Variants in FHIP1A observed in about 807,000 individuals in gnomAD.
FHIP1A encodes the protein FHF complex subunit HOOK-interacting protein 1A.
FHIP1A carries 61 observed loss-of-function variants against 88.6 expected under a neutral mutation model. The ratio of observed to expected loss-of-function variants is 0.69; its 90% CI spans 0.56 to 0.85. FHIP1A has a LOEUF of 0.85. Ranked by LOEUF, FHIP1A falls within the 40% of genes least tolerant of loss-of-function variation. FHIP1A has a pLI of 0.00. For missense variants in FHIP1A, 1,154 were observed against 1,273.5 expected (o/e 0.91, Z 1.43); for synonymous variants, 478 against 496.0 (o/e 0.96, Z 0.48).
At chr4:151,412,059 A>G (rs1329097786) in intron 1 of FHIP1A, among the ~76,000 whole-genome samples, 1 of 152,222 alleles carries the variant, frequency 6.6e-6, no homozygotes, top group Non-Finnish European at 1.5e-5. Flanking sequence ...AGTAGATGCC[A>G]TTGTGTTTAG....
chr4:151,424,473 A>AGAATGAGAATATGGTTTGT (rs1441804241), intron 1 of FHIP1A, among the ~76,000 whole-genome samples: 1 of 152,160 alleles, frequency 6.6e-6, no homozygotes, highest in Non-Finnish European at 1.5e-5. Flanking sequence ...CATGGAATCT[A>AGAATGAGAATATGGTTTGT]GAATGAGAAT....
intron 3 of FHIP1A, among the ~76,000 whole-genome samples, chr4:151,557,641 G>C (rs970858961): frequency 1.3e-5 from 2 of 152,234 alleles, no homozygotes; most frequent in African/African-American, 4.8e-5. Flanking sequence ...CCTCCCCATA[G>C]AGACAGCTTC....
chr4:151,638,793 CACTTTAT>C lies in FHIP1A; in HGVS notation c.1226+46_1226+52del, dbSNP rs548135019. Reference sequence around the variant, plus strand: ...TTTTTGTTTCCTTTAAAGAAAAATTCACTTTATACTTTATATTACTTTATATTCATAT... The same window carrying C: ...TTTTTGTTTCCTTTAAAGAAAAATTCACTTTATATTACTTTATATTCATAT... On this transcript the variant is annotated intron_variant, in intron 9 of 13. Transcript: ENST00000435205. The C allele has an allele frequency of 3.9e-4, 462 of 1,185,920 alleles. 3 individuals are homozygous for C. The highest frequency in any genetic ancestry group is 2.1e-3 in the Middle Eastern group (11 of 5,192). 73.5% of individuals were successfully genotyped at this position (1,185,920 alleles called of 1,614,324 possible).
rs780404381 is a variant in FHIP1A at position 151,656,393 on chromosome 4, G to A, written c.2713G>A (p.Val905Ile). 177 of 1,551,538 alleles carry A rather than the reference G, an allele frequency of 1.1e-4. No individual in the cohort carries two copies. In the South Asian group the frequency reaches 1.9e-3, roughly 16 times the overall value. ...LNTNMVFQPS[V>I]RSLYQVLASV... Reference sequence around the variant, plus strand: ...CACCAACATGGTCTTCCAGCCAAGCGTCCGCTCTCTCTATCAGGTATGTTA... The same window carrying A: ...CACCAACATGGTCTTCCAGCCAAGCATCCGCTCTCTCTATCAGGTATGTTA... Residue 905 changes from valine (V) to isoleucine (I), a missense_variant, in exon 12 of 14, where the codon GTC becomes ATC. Val to Ile is a conservative substitution (Grantham distance 29). Coordinates refer to ENST00000435205, the MANE Select transcript of FHIP1A (RefSeq NM_001109977.3). The surrounding 1 kb of genome is among the most constrained non-coding windows in gnomAD (Gnocchi z 4.2).
intron 13 of FHIP1A, among the ~76,000 whole-genome samples, chr4:151,659,671 C>T (rs1737378612): frequency 6.6e-6 from 1 of 152,178 alleles, no homozygotes; most frequent in Non-Finnish European, 1.5e-5. Context: ...CCTTTTTCTT[C>T]AGGTGCTCGT....
At chr4:151,509,353 G>C (rs1312871298) in intron 3 of FHIP1A, among the ~76,000 whole-genome samples, 1 of 151,980 alleles carries the variant, frequency 6.6e-6, no homozygotes, top group Non-Finnish European at 1.5e-5. Context: ...TTTTAGTAGA[G>C]ACGGAGTTTC....
At chr4:151,435,435 C>G (rs1224352711) in intron 1 of FHIP1A, among the ~76,000 whole-genome samples, 2 of 152,116 alleles carry the variant, frequency 1.3e-5, no homozygotes, top group African/African-American at 2.4e-5. Flanking sequence ...TCTGTGATGA[C>G]TGGATTTGCC....
intron 3 of FHIP1A, among the ~76,000 whole-genome samples, chr4:151,523,491 T>C (rs139629250): frequency 6.6e-6 from 1 of 152,268 alleles, no homozygotes; most frequent in African/African-American, 2.4e-5. Context: ...GACAACATAC[T>C]CTCTTTTGTT....
intron 1 of FHIP1A, among the ~76,000 whole-genome samples, chr4:151,449,756 A>G (rs773173623): frequency 2.7e-4 from 41 of 152,216 alleles, no homozygotes; most frequent in Non-Finnish European, 5.3e-4. Flanking sequence ...GCTTCTAATC[A>G]TTCTTAACTC....
chr4:151,502,760 T>C (rs568812202), intron 3 of FHIP1A, among the ~76,000 whole-genome samples: 1 of 152,300 alleles, frequency 6.6e-6, no homozygotes, highest in Non-Finnish European at 1.5e-5. Flanking sequence ...TTGAACAATA[T>C]ACAATTTTGT....
chr4:151,510,785 C>T (rs1402311921), intron 3 of FHIP1A, among the ~76,000 whole-genome samples: 1 of 152,200 alleles, frequency 6.6e-6, no homozygotes, highest in Non-Finnish European at 1.5e-5. Flanking sequence ...GATCAAATTT[C>T]AGCTACAGTA....
intron 1 of FHIP1A, among the ~76,000 whole-genome samples, chr4:151,412,173 G>A (rs756676975): frequency 1.7e-4 from 26 of 151,572 alleles, no homozygotes; most frequent in Non-Finnish European, 3.2e-4. Context: ...GTGTGATCTC[G>A]GCTCACTGCA....
chr4:151,428,545 A>G (rs553351770), intron 1 of FHIP1A, among the ~76,000 whole-genome samples: 2 of 152,164 alleles, frequency 1.3e-5, no homozygotes, highest in South Asian at 2.1e-4. Context: ...CCTTAGTAAT[A>G]TTTAAACAAT....
At chr4:151,532,305 T>G (rs1350390003) in intron 3 of FHIP1A, among the ~76,000 whole-genome samples, 1 of 152,210 alleles carries the variant, frequency 6.6e-6, no homozygotes, top group Non-Finnish European at 1.5e-5. Flanking sequence ...GCCAGATCCT[T>G]TGTACATTAA....
chr4:151,632,143 G>A (rs1481889249), intron 8 of FHIP1A, among the ~76,000 whole-genome samples: 2 of 151,776 alleles, frequency 1.3e-5, no homozygotes, highest in Non-Finnish European at 2.9e-5. Context: ...AAGCAGAGGT[G>A]GTTGTACTTA....
chr4:151,629,592 A>G (rs2126876867), intron 7 of FHIP1A, 110 bp from the exon 8 acceptor site: 1 of 890,700 alleles, frequency 1.1e-6, no homozygotes, highest in South Asian at 1.7e-5. Context: ...GTGGGCAGGC[A>G]TGTTCTTGCC....
intron 6 of FHIP1A, among the ~76,000 whole-genome samples, chr4:151,587,106 G>A (rs935778572): frequency 6.6e-6 from 1 of 152,044 alleles, no homozygotes; most frequent in African/African-American, 2.4e-5. Flanking sequence ...ATTATTTTTA[G>A]GTTTCTAAGT....
At chr4:151,466,685 C>T (rs1729325682) in intron 2 of FHIP1A, among the ~76,000 whole-genome samples, 1 of 152,170 alleles carries the variant, frequency 6.6e-6, no homozygotes, top group Admixed American at 6.5e-5. Context: ...CACACATCTA[C>T]AACAATCTGA....
At chr4:151,424,157 CCTT>C (rs1356569169) in intron 1 of FHIP1A, among the ~76,000 whole-genome samples, 3 of 152,298 alleles carry the variant, frequency 2.0e-5, no homozygotes, top group South Asian at 2.1e-4. Context: ...GAATGTCTGA[CCTT>C]CTTCCCTTCA....
Sources: gnomAD v4.1 joint callset for allele counts (sites outside exome capture counted in the v4.1 genomes callset) on GRCh38, gnomAD v4.1.1 for gene constraint, Gnocchi (gnomAD v3.1) non-coding constraint, MANE v1.5 for transcripts, NCBI Gene and HGNC (gene_info 2026-07-23, HGNC 2026-07-21) for gene names.